The following DCTN6 variants were observed in gnomAD, a reference collection of about 807,000 sequenced individuals.
DCTN6 encodes the protein dynactin subunit 6.
In DCTN6, 15 loss-of-function variants were observed where a neutral mutation model predicts 25.8. That is an observed-to-expected ratio of 0.58 (90% CI 0.39 to 0.89). DCTN6 has a LOEUF of 0.89. Among genes scored for constraint, DCTN6 ranks in the 40% least tolerant of loss-of-function variants. The pLI is 0.00. For synonymous variants in DCTN6, 64 were observed against 78.3 expected, an observed-to-expected ratio of 0.82 and a Z score of 0.96; for missense variants, 198 against 237.6, an observed-to-expected ratio of 0.83 and a Z score of 1.09.
chr8:30,179,391 C>A lies in DCTN6; in HGVS notation c.284-17C>A. 6.2e-7 allele frequency: 1 copy of A among 1,605,106 alleles called. No homozygotes were observed. The highest frequency in any genetic ancestry group is 8.5e-7 in the Non-Finnish European group (1 of 1,173,552). On this transcript the variant is annotated splice_polypyrimidine_tract_variant and intron_variant, in intron 4 of 6. Transcript: ENST00000221114. ...AGATGAACATATTTGTAGTATTTAC[C>A]TAACTCTGGCTTACAGATTCCCAAG...
chr8:30,174,873 C>T (rs1353561907), intron 2 of DCTN6, among the ~76,000 whole-genome samples: 2 of 152,198 alleles, frequency 1.3e-5, no homozygotes, highest in African/African-American at 4.8e-5. Context: ...GCTCTAGTGC[C>T]TGTGCCATTC....
At chr8:30,158,024 C>T (rs1272482805) in intron 1 of DCTN6, among the ~76,000 whole-genome samples, 3 of 144,326 alleles carry the variant, frequency 2.1e-5, no homozygotes, top group Non-Finnish European at 4.7e-5. Context: ...GCCGGCTCAC[C>T]TCTCTGCTCC....
chr8:30,180,491 A>T lies in DCTN6; in HGVS notation c.335A>T (p.Tyr112Phe). The change falls in exon 6 of 7, where the codon TAT becomes TTT. Residue 112 changes from tyrosine to phenylalanine, a missense_variant. Tyr to Phe is a conservative substitution (Grantham distance 22). Coordinates refer to ENST00000221114, the MANE Select transcript of DCTN6 (RefSeq NM_006571.4). ...GDNNVIESKA[Y>F]VGRNVILTSG... is the part of the protein sequence containing the mutation. ...TCTTTCTGTGTTTTTATTGCAGCATATGTAGGCAGAAATGTAATATTGACA... is the reference window on the plus strand; with the variant it reads ...TCTTTCTGTGTTTTTATTGCAGCATTTGTAGGCAGAAATGTAATATTGACA... 1 of 1,612,296 alleles carries T rather than the reference A, an allele frequency of 6.2e-7. No homozygotes were observed. Among genetic ancestry groups the T allele is most frequent in the Non-Finnish European group, 8.5e-7 (1 of 1,179,116 alleles).
At chr8:30,160,514 C>G (rs1803581528) in intron 1 of DCTN6, among the ~76,000 whole-genome samples, 1 of 152,012 alleles carries the variant, frequency 6.6e-6, no homozygotes, top group Admixed American at 6.6e-5. Flanking sequence ...GAGAACAGAC[C>G]AATACACTAG....
At chr8:30,156,866 C>T (rs367757278) in intron 1 of DCTN6, among the ~76,000 whole-genome samples, 1 of 152,198 alleles carries the variant, frequency 6.6e-6, no homozygotes, top group African/African-American at 2.4e-5. Context: ...CTTCCTGTCT[C>T]TGGAGGGTGG....
Position 30,177,185 on chromosome 8 carries a change from G to A in DCTN6, c.254G>A (p.Gly85Asp), listed in dbSNP as rs1803847448. The change falls in exon 4 of 7, where the codon GGC (glycine) becomes GAC (aspartate). Residue 85 changes from glycine (G) to aspartate (D), a missense_variant. Gly to Asp is a moderately conservative substitution (Grantham distance 94). Transcript: ENST00000221114. ...CCAGAACCAAAACCTATGATCATTG[G>A]CACCAATAATGTGTTTGAAGTTGGC... ...EDPEPKPMII[G>D]TNNVFEVGCY... is the part of the protein sequence containing the mutation. 2 of 1,613,572 alleles carry A rather than the reference G, an allele frequency of 1.2e-6. No individual in the cohort carries two copies. Among genetic ancestry groups the A allele is most frequent in the South Asian group, 2.2e-5 (2 of 91,068 alleles).
chr8:30,172,180 C>G (rs1275109997), intron 2 of DCTN6, among the ~76,000 whole-genome samples: 1 of 151,902 alleles, frequency 6.6e-6, no homozygotes, highest in African/African-American at 2.4e-5. Flanking sequence ...GATCACAGCC[C>G]CGAAAGTTGT....
chr8:30,170,167 T>C (rs117612099), intron 2 of DCTN6, among the ~76,000 whole-genome samples: 1,513 of 149,712 alleles, frequency 0.01, 35 homozygotes, highest in East Asian at 0.057. Context: ...AGCGAGACTC[T>C]GTATCCAAAA....
At position 30,180,588 on chromosome 8, in the gene DCTN6, T is replaced by C; in HGVS notation, c.432T>C (p.Tyr144=). ...TCATCCCTGAGAATACGGTGATCTA[T>C]GGTGCAGACTGCCTTCGTCGGGTGC... ...FEVIPENTVI[Y]GADCLRRVQT... The change falls in exon 6 of 7, where the codon TAT becomes TAC. Residue 144 remains tyrosine, a synonymous_variant. Transcript: ENST00000221114. 6.2e-7 allele frequency: 1 copy of C among 1,614,172 alleles called. No homozygotes were observed. Among genetic ancestry groups the C allele is most frequent in the Non-Finnish European group, 8.5e-7 (1 of 1,180,022 alleles).
intron 5 of DCTN6, among the ~76,000 whole-genome samples, chr8:30,179,939 C>T (rs545345993): frequency 1.3e-5 from 2 of 152,302 alleles, no homozygotes; most frequent in African/African-American, 4.8e-5. Context: ...GCTTGTCCCA[C>T]CAAGGTCCAG....
intron 1 of DCTN6, among the ~76,000 whole-genome samples, chr8:30,161,991 C>A (rs1324105060): frequency 6.6e-6 from 1 of 152,088 alleles, no homozygotes; most frequent in African/African-American, 2.4e-5. Context: ...TCGCAATCCG[C>A]CAGCCTTGGC....
At chr8:30,181,486 G>A (rs1585507165) in intron 6 of DCTN6, among the ~76,000 whole-genome samples, 1 of 152,170 alleles carries the variant, frequency 6.6e-6, no homozygotes, top group Admixed American at 6.5e-5. Flanking sequence ...TAATATTAGA[G>A]TAGGAGATGA....
intron 4 of DCTN6, among the ~76,000 whole-genome samples, chr8:30,179,040 CT>C (rs1803880043): frequency 6.6e-6 from 1 of 152,102 alleles, no homozygotes; most frequent in South Asian, 2.1e-4. Flanking sequence ...TTGATTCCCA[CT>C]TATATACAGG....
chr8:30,177,097 T>C (rs1025560132), intron 3 of DCTN6, 29 bp from the exon 4 acceptor site: 4 of 1,571,272 alleles, frequency 2.5e-6, no homozygotes, highest in Non-Finnish European at 3.5e-6. Context: ...TTATTGACTT[T>C]TTGGATGATT....
chr8:30,175,425 T>G (rs1474215701), intron 3 of DCTN6, among the ~76,000 whole-genome samples: 1 of 152,180 alleles, frequency 6.6e-6, no homozygotes, highest in Non-Finnish European at 1.5e-5. Flanking sequence ...TGACGCTCGG[T>G]CTGGTGATCT....
chr8:30,168,670 A>T lies in DCTN6; in HGVS notation c.88+4495A>T, dbSNP rs188875506. Reference sequence around the variant, plus strand: ...TTTTCCTTTGCTAAGTTTCAGGCTAATGGAACTTTAAACCCGATCTGTTTT... The same window carrying T: ...TTTTCCTTTGCTAAGTTTCAGGCTATTGGAACTTTAAACCCGATCTGTTTT... On this transcript the variant is annotated intron_variant, in intron 2 of 6. Transcript: ENST00000221114. 4.6e-3 allele frequency among the ~76,000 whole-genome samples: 695 copies of T among 152,284 alleles called. 5 individuals are homozygous for T. Among genetic ancestry groups the T allele is most frequent in the Non-Finnish European group, 6.3e-3 (431 of 68,016 alleles).
rs1254694580 is a variant in DCTN6, at chr8:30,164,250, C to A, written c.88+75C>A. The A allele has an allele frequency of 7.1e-6, 8 of 1,129,486 alleles. No homozygotes were observed. The South Asian group carries it at 7.7e-5, about 11-fold the overall frequency. 70.0% of individuals were successfully genotyped at this position (1,129,486 alleles called of 1,614,324 possible). A position where few individuals can be genotyped will look rare whatever the true frequency, so the allele number is the denominator to read the frequency against. On this transcript the variant is annotated intron_variant, in intron 2 of 6. Coordinates refer to ENST00000221114, the MANE Select transcript of DCTN6 (RefSeq NM_006571.4). The stretch of plus-strand genomic sequence containing the variant: ...TATTTTAGTGCTTTACAATTAGATA[C>A]CGTCTTCCATGTTTATTTCACTGAT...
At chr8:30,175,878 A>G (rs1418832050) in intron 3 of DCTN6, among the ~76,000 whole-genome samples, 1 of 152,220 alleles carries the variant, frequency 6.6e-6, no homozygotes, top group Admixed American at 6.5e-5. Flanking sequence ...TTTAACTGTC[A>G]GAAAAAGACT....
chr8:30,163,246 G>A (rs1207490251), intron 1 of DCTN6, among the ~76,000 whole-genome samples: 9 of 152,108 alleles, frequency 5.9e-5, no homozygotes, highest in South Asian at 2.1e-4. Context: ...GCAGTGAGCC[G>A]AGATGGTGCC....
Sources: gnomAD v4.1 joint callset for allele counts (sites outside exome capture counted in the v4.1 genomes callset) on GRCh38, gnomAD v4.1.1 for gene constraint, MANE v1.5 for transcripts, NCBI Gene and HGNC (gene_info 2026-07-23, HGNC 2026-07-21) for gene names.